Variants in PTCH1 observed in about 807,000 individuals in gnomAD.
PTCH1 encodes protein patched homolog 1.
PTCH1 carries 14 observed loss-of-function variants against 144.6 expected under a neutral mutation model. That is an observed-to-expected ratio of 0.10 (90% CI 0.06 to 0.15). The LOEUF (loss-of-function observed/expected upper bound fraction) is 0.15. Among genes scored for constraint, PTCH1 ranks in the 10% least tolerant of loss-of-function variants. The pLI is 1.00. For missense variants in PTCH1, 1,623 were observed against 1,948.3 expected, an observed-to-expected ratio of 0.83 and a Z score of 3.14; for synonymous variants, 833 against 793.6, an observed-to-expected ratio of 1.05 and a Z score of -0.83.
At position 95,458,409 on chromosome 9, in the gene PTCH1, C is replaced by T. The variant is rs1400485617; in HGVS notation, c.2888-116G>A. On this transcript the variant is annotated intron_variant, in intron 17 of 23. Coordinates refer to ENST00000331920, the MANE Select transcript of PTCH1 (RefSeq NM_000264.5). The surrounding 1 kb of genome is among the most constrained non-coding windows in gnomAD (Gnocchi z 4.7). The stretch of plus-strand genomic sequence containing the variant: ...TTACTGACTGCTCTTCTACATGATA[C>T]AAAGAACAAACAATGCTGATCATAG... The T allele has an allele frequency of 2.2e-6, 3 of 1,334,310 alleles. No homozygotes were observed. Among genetic ancestry groups the T allele is most frequent in the Non-Finnish European group, 3.1e-6 (3 of 953,426 alleles). 82.7% of individuals were successfully genotyped at this position (1,334,310 alleles called of 1,614,324 possible). A position where few individuals can be genotyped will look rare whatever the true frequency, so the allele number is the denominator to read the frequency against.
At position 95,449,961 on chromosome 9, in the gene PTCH1, G is replaced by T; in HGVS notation, c.3450-21C>A. 1 of 1,601,662 alleles carries T rather than the reference G, an allele frequency of 6.2e-7. No individual in the cohort carries two copies. Among genetic ancestry groups the T allele is most frequent in the Non-Finnish European group, 8.6e-7 (1 of 1,169,050 alleles). On this transcript the variant is annotated intron_variant, in intron 20 of 23. Transcript: ENST00000331920. This position sits in a 1 kb window ranked among gnomAD's most constrained non-coding sequence, Gnocchi z 5.3. ...AATACCTGGGAGATCAAGAGGAAAC[G>T]GGAACACGCGCTGTGACAGGGTGGA...
In PTCH1 at chr9:95,459,839, T is replaced by C. The variant is rs535071272; in HGVS notation, c.2704-56A>G. ...AGAATGGGGTTGGGGGTAAACACAC[T>C]TCTGCCTTGAGAGCACAGAAGCTGA... On this transcript the variant is annotated intron_variant, in intron 16 of 23. Transcript: ENST00000331920. 4.4e-6 allele frequency: 7 copies of C among 1,581,184 alleles called. No individual in the cohort carries two copies. The Admixed American group carries it at 1.0e-4, about 23-fold the overall frequency.
chr9:95,468,599 G>A, intron 14 of PTCH1, 152 bp downstream of exon 14: 1 of 1,020,506 alleles, frequency 9.8e-7, no homozygotes, highest in Non-Finnish European at 1.5e-6. Flanking sequence ...TGCTCTAAAA[G>A]CATTGACTTT....
intron 2 of PTCH1, among the ~76,000 whole-genome samples, chr9:95,493,453 G>A (rs1445044873): frequency 6.6e-6 from 1 of 152,198 alleles, no homozygotes; most frequent in African/African-American, 2.4e-5. Context: ...TGAATGCGCA[G>A]TCTCAATACA....
chr9:95,498,279 T>C (rs1842920844), intron 2 of PTCH1, among the ~76,000 whole-genome samples: 1 of 152,192 alleles, frequency 6.6e-6, no homozygotes, highest in Admixed American at 6.5e-5. Flanking sequence ...TTCATAGCAG[T>C]GGCATTATGG....
At chr9:95,450,295 AAG>A in intron 20 of PTCH1, 1 of 351,716 alleles carries the variant, frequency 2.8e-6, no homozygotes, top group East Asian at 7.1e-5. Context: ...GGCAGACTGA[AAG>A]CACAAACACA....
intron 2 of PTCH1, among the ~76,000 whole-genome samples, chr9:95,486,084 G>C (rs1448876740): frequency 6.6e-6 from 1 of 152,208 alleles, no homozygotes; most frequent in African/African-American, 2.4e-5. Context: ...CCCATTAATG[G>C]CTGTCCCGCC....
Position 95,458,122 on chromosome 9 carries a change from T to C in PTCH1, c.3059A>G (p.Gln1020Arg), listed in dbSNP as rs1444833702. Residue 1020 changes from glutamine to arginine, a missense_variant, in exon 18 of 24, where the codon CAG (glutamine) becomes CGG (arginine). Physicochemically the swap from Gln to Arg is conservative, Grantham distance 43 (BLOSUM62 1). Coordinates refer to ENST00000331920, the MANE Select transcript of PTCH1 (RefSeq NM_000264.5). The surrounding 1 kb of genome is among the most constrained non-coding windows in gnomAD (Gnocchi z 4.7). ...PNGYPFLFWE[Q>R]YIGLRHWLLL... ...CAGCCAGTGGCGGAGGCCGATGTAC[T>C]GCTCCCAGAAGAGGAAGGGGTAGCC... 1 of 1,614,242 alleles carries C rather than the reference T, an allele frequency of 6.2e-7. No homozygotes were observed. The highest frequency in any genetic ancestry group is 1.7e-5 in the Admixed American group (1 of 60,026).
At position 95,508,310 on chromosome 9, in the gene PTCH1, T is replaced by C. The variant is rs1199437529; in HGVS notation, c.52A>G (p.Ser18Gly). 7 of 1,399,420 alleles carry C rather than the reference T, an allele frequency of 5.0e-6. No individual in the cohort carries two copies. Among genetic ancestry groups the C allele is most frequent in the Admixed American group, 3.4e-5 (1 of 29,408 alleles). 86.7% of individuals were successfully genotyped at this position (1,399,420 alleles called of 1,614,324 possible). ...AEPQDRGGGG[S>G]GCIGAPGRPA... ...CGTCCCGGGGCACCGATACAGCCGC[T>C]GCCGCCGCCGCCGCGGTCCTGGGGC... Residue 18 changes from serine (S) to glycine (G), a missense_variant, in exon 1 of 24, where the codon AGC becomes GGC. Ser to Gly is a moderately conservative substitution (Grantham distance 56, BLOSUM62 0). Coordinates refer to ENST00000331920, the MANE Select transcript of PTCH1 (RefSeq NM_000264.5).
intron 16 of PTCH1, among the ~76,000 whole-genome samples, chr9:95,461,060 A>G (rs183077795): frequency 6.6e-6 from 1 of 152,140 alleles, no homozygotes; most frequent in Non-Finnish European, 1.5e-5. Context: ...AAGGTGAAGC[A>G]AGCAAGCTAC....
intron 23 of PTCH1, 180 bp from the exon 24 acceptor site, chr9:95,446,571 C>A: frequency 2.2e-6 from 1 of 449,646 alleles, no homozygotes; most frequent in African/African-American, 2.0e-5. Flanking sequence ...GCTGGTTACA[C>A]GGATGCGTTC....
At chr9:95,510,776 A>G (rs553615572), upstream of PTCH1, among the ~76,000 whole-genome samples, 1 of 151,414 alleles carries the variant, frequency 6.6e-6, no homozygotes, top group Non-Finnish European at 1.5e-5. Context: ...AGAAACCCAG[A>G]TGGAGGGAAA....
rs1257439290 is a variant in PTCH1 at position 95,444,882 on chromosome 9, C to A, written c.*1511G>T. Reference sequence around the variant, plus strand: ...CAAAAGAAGAGAACCAGTACAGAAGCAACTTTTAAAAATATGCCTGGTTGA... The same window carrying A: ...CAAAAGAAGAGAACCAGTACAGAAGAAACTTTTAAAAATATGCCTGGTTGA... On this transcript the variant is annotated 3_prime_UTR_variant, in exon 24 of 24. Coordinates refer to ENST00000331920, the MANE Select transcript of PTCH1 (RefSeq NM_000264.5). 1 of 152,188 alleles carries A rather than the reference C, an allele frequency of 6.6e-6. No individual in the cohort carries two copies. The highest frequency in any genetic ancestry group is 1.5e-5 in the Non-Finnish European group (1 of 68,060). The allele number at this position is 152,188 out of a possible 1,614,324, so 9.4% of individuals were successfully genotyped here.
rs1324631210 is a variant in PTCH1, at chr9:95,446,075, T to C, written c.*318A>G. On this transcript the variant is annotated 3_prime_UTR_variant, in exon 24 of 24. Transcript: ENST00000331920. ...TGCTGAAATTTAAGACTAATGAAGC[T>C]TGGTTGTGGCACGGAGCCCAATGCA... 5.1e-6 allele frequency: 1 copy of C among 195,932 alleles called. No individual in the cohort carries two copies. Among genetic ancestry groups the C allele is most frequent in the Non-Finnish European group, 1.1e-5 (1 of 91,350 alleles). The allele number at this position is 195,932 out of a possible 1,614,324, so 12.1% of individuals were successfully genotyped here.
chr9:95,471,019 G>A (rs1257930217), intron 12 of PTCH1, among the ~76,000 whole-genome samples: 1 of 151,816 alleles, frequency 6.6e-6, no homozygotes. Context: ...GGAGATGGAG[G>A]TTGCAGTGAG....
Position 95,499,475 on chromosome 9 carries a change from T to C in PTCH1, c.394+6932A>G, listed in dbSNP as rs369847399. Among the ~76,000 whole-genome samples the C allele has an allele frequency of 3.4e-4, 27 of 78,768 alleles. 1 individual carries two copies. The highest frequency in any genetic ancestry group is 1.3e-3 in the African/African-American group (27 of 20,022). 51.7% of individuals were successfully genotyped at this position (78,768 alleles called of 152,430 possible). ...AGGAAATGACGTGGGCAGGTTAGAG[T>C]GGGTGGGCGGGAGAAGGGGCAGGAG... is the stretch of plus-strand genomic sequence containing the variant. On this transcript the variant is annotated intron_variant, in intron 2 of 23. Transcript: ENST00000331920.
chr9:95,506,399 G>T lies in PTCH1; in HGVS notation c.394+8C>A, dbSNP rs1373035322. On this transcript the variant is annotated splice_region_variant and intron_variant, in intron 2 of 23. Transcript: ENST00000331920. ...CGGGGGCGCGGGCGCCGCGGCGGGCGCTCTTACCTTCCACCCACAGCTCCT... is the reference window on the plus strand; with the variant it reads ...CGGGGGCGCGGGCGCCGCGGCGGGCTCTCTTACCTTCCACCCACAGCTCCT... 2 of 1,608,656 alleles carry T rather than the reference G, an allele frequency of 1.2e-6. No individual in the cohort carries two copies. The highest frequency in any genetic ancestry group is 1.7e-6 in the Non-Finnish European group (2 of 1,178,308).
At chr9:95,480,119 T>C (rs199968774) in intron 6 of PTCH1, 29 bp from the exon 7 acceptor site, 11 of 1,613,644 alleles carry the variant, frequency 6.8e-6, no homozygotes, top group Admixed American at 3.3e-5. Context: ...CACATAATTA[T>C]GGGAATTAGT....
At chr9:95,510,843 G>T (rs571992297), upstream of PTCH1, among the ~76,000 whole-genome samples, 1 of 151,492 alleles carries the variant, frequency 6.6e-6, no homozygotes, top group African/African-American at 2.4e-5. Flanking sequence ...CGCGCCAGGA[G>T]GCCCGGTGCG....
Sources: gnomAD v4.1 joint callset for allele counts (sites outside exome capture counted in the v4.1 genomes callset) on GRCh38, gnomAD v4.1.1 for gene constraint, Gnocchi (gnomAD v3.1) non-coding constraint, MANE v1.5 for transcripts, NCBI Gene and HGNC (gene_info 2026-07-23, HGNC 2026-07-21) for gene names.